The following ARID2 variants were observed in gnomAD, a reference collection of about 807,000 sequenced individuals.
ARID2 encodes AT-rich interactive domain-containing protein 2.
A neutral mutation model predicts 184.6 loss-of-function variants in ARID2; 32 were observed. The observed-to-expected ratio is 0.17, with a 90% CI of 0.13 to 0.23. The LOEUF is 0.23. Among genes scored for constraint, ARID2 ranks in the 10% least tolerant of loss-of-function variants. The probability of loss-of-function intolerance (pLI) is 1.00; values close to 1 mark genes in which losing one functional copy is unlikely to be tolerated. For synonymous variants in ARID2, 836 were observed against 772.6 expected (o/e 1.08, Z -1.36); for missense variants, 1,696 against 2,197.6 (o/e 0.77, Z 4.56).
chr12:45,834,985 A>G lies in ARID2; in HGVS notation c.706-1604A>G, dbSNP rs139895713. On this transcript the variant is annotated intron_variant, in intron 6 of 20. Coordinates refer to ENST00000334344, the MANE Select transcript of ARID2 (RefSeq NM_152641.4). ...TGCCCATTCTTTCTCTTCTTCAGGA[A>G]CTCCAATTATTTGTATGTTAGAACT... is the stretch of plus-strand genomic sequence containing the variant. Among the ~76,000 whole-genome samples the G allele has an allele frequency of 5.2e-3, 796 of 151,826 alleles. 6 individuals carry two copies. The highest frequency in any genetic ancestry group is 0.017 in the Middle Eastern group (5 of 294).
rs201898850 is a variant in ARID2, at chr12:45,849,007, G to A, written c.1715+37G>A. ...AGTTCTTTAAATAAAGTCCATTTAC[G>A]TCACTTACAACATCTCTTGCTCTTT... On this transcript the variant is annotated intron_variant, in intron 13 of 20. Transcript: ENST00000334344. The A allele has an allele frequency of 1.1e-5, 17 of 1,586,978 alleles. No individual in the cohort carries two copies. In the East Asian group the frequency reaches 1.1e-4, roughly 10 times the overall value.
chr12:45,793,667 A>G lies in ARID2; in HGVS notation c.285-17751A>G, dbSNP rs12301927. 4.8e-3 allele frequency among the ~76,000 whole-genome samples: 723 copies of G among 151,498 alleles called. 8 individuals are homozygous for G. The highest frequency in any genetic ancestry group is 0.017 in the African/African-American group (704 of 41,336). ...AATATATATACATATATATCTCAGC[A>G]AGATATTCTACATATTTATATATAC... On this transcript the variant is annotated intron_variant, in intron 3 of 20. Coordinates refer to ENST00000334344, the MANE Select transcript of ARID2 (RefSeq NM_152641.4).
At chr12:45,815,121 T>C (rs1238710857) in intron 4 of ARID2, among the ~76,000 whole-genome samples, 3 of 152,178 alleles carry the variant, frequency 2.0e-5, no homozygotes, top group Admixed American at 6.5e-5. Context: ...ACATAAACTT[T>C]AGGACTGCGA....
Position 45,839,309 on chromosome 12 carries a change from T to C in ARID2, c.1331-20T>C, listed in dbSNP as rs762122648. 5.7e-6 allele frequency: 9 copies of C among 1,588,028 alleles called. No homozygotes were observed. Among genetic ancestry groups the C allele is most frequent in the Middle Eastern group, 1.7e-4 (1 of 5,960 alleles). On this transcript the variant is annotated intron_variant, in intron 10 of 20. Transcript: ENST00000334344. ...TTATAATATTATTGACTAATAACTA[T>C]TGCTTTTTATTTATTTTAGACATGT...
chr12:45,824,866 C>CATATAT (rs202172861), intron 6 of ARID2, among the ~76,000 whole-genome samples: 1 of 145,902 alleles, frequency 6.9e-6, no homozygotes, highest in African/African-American at 2.5e-5. Flanking sequence ...TATATATATA[C>CATATAT]ATATATATAT....
intron 3 of ARID2, among the ~76,000 whole-genome samples, chr12:45,772,653 A>G (rs12319077): frequency 0.61 from 92,967 of 152,098 alleles, 30,221 homozygotes; most frequent in African/African-American, 0.85. Context: ...TGAAGCTAAA[A>G]AGGGACATTT....
rs780463578 is a variant in ARID2 at position 45,852,232 on chromosome 12, C to T, written c.4109C>T (p.Ser1370Phe). The T allele has an allele frequency of 2.0e-5, 33 of 1,613,944 alleles. No individual in the cohort carries two copies. The highest frequency in any genetic ancestry group is 4.2e-6 in the Non-Finnish European group (5 of 1,179,992). The change falls in exon 15 of 21, where the codon TCT becomes TTT. Residue 1370 changes from serine to phenylalanine, a missense_variant. Ser to Phe is a radical substitution (Grantham distance 155). Transcript: ENST00000334344. ...TGTGATTTTGATAAAGGAGATGGTT[C>T]TCATTTAAGCAAAAACATTCCAAAT... Reference protein sequence around the residue: ...GICDFDKGDGSHLSKNIPNHK... With the variant: ...GICDFDKGDGFHLSKNIPNHK...
intron 3 of ARID2, among the ~76,000 whole-genome samples, chr12:45,766,040 C>T (rs1291737273): frequency 2.6e-5 from 4 of 152,132 alleles, no homozygotes; most frequent in Admixed American, 6.5e-5. Context: ...TGTATTGATA[C>T]ACCATAATTT....
At chr12:45,853,048 T>A (rs1228233987) in intron 15 of ARID2, 152 bp downstream of exon 15, 2 of 1,242,480 alleles carry the variant, frequency 1.6e-6, no homozygotes, top group Non-Finnish European at 1.0e-6. Context: ...TTCTCTGGTT[T>A]TGTAATATTA....
intron 3 of ARID2, among the ~76,000 whole-genome samples, chr12:45,756,208 G>A (rs952983881): frequency 4.6e-5 from 7 of 152,140 alleles, no homozygotes; most frequent in African/African-American, 1.4e-4. Context: ...GCCCAGCCTA[G>A]AATACATTTT....
intron 3 of ARID2, among the ~76,000 whole-genome samples, chr12:45,767,707 G>A (rs920056296): frequency 3.9e-5 from 6 of 152,172 alleles, no homozygotes; most frequent in African/African-American, 1.4e-4. Flanking sequence ...GGAGAACGAT[G>A]GTGTGTGGTA....
intron 6 of ARID2, among the ~76,000 whole-genome samples, chr12:45,834,884 T>C (rs1301673340): frequency 6.6e-6 from 1 of 152,210 alleles, no homozygotes; most frequent in Middle Eastern, 3.2e-3. Context: ...TTTGTAGTGC[T>C]TCTGAAATAT....
At chr12:45,820,458 C>A (rs1373856695) in intron 5 of ARID2, among the ~76,000 whole-genome samples, 2 of 152,056 alleles carry the variant, frequency 1.3e-5, no homozygotes, top group Admixed American at 6.6e-5. Context: ...AGAAAACATA[C>A]CCACTTGTTA....
rs2138127880 is a variant in ARID2 at position 45,836,898 on chromosome 12, T to C, written c.930T>C (p.Arg310=). Residue 310 remains arginine (R), a synonymous_variant, in exon 8 of 21, where the codon CGT becomes CGC. Transcript: ENST00000334344. The part of the protein sequence containing the change: ...EGNVKLLAAN[R]TCLRFLLLSA... ...ATGTTAAGCTCTTGGCAGCTAATCG[T>C]ACCTGTCTTCGTTTCCTATTACTTT... is the stretch of plus-strand genomic sequence containing the variant. The C allele has an allele frequency of 1.2e-6, 2 of 1,614,176 alleles. No individual in the cohort carries two copies. Among genetic ancestry groups the C allele is most frequent in the South Asian group, 2.2e-5 (2 of 91,092 alleles).
chr12:45,882,142 G>C (rs1244196561), intron 16 of ARID2: 1 of 158,374 alleles, frequency 6.3e-6, no homozygotes, highest in Non-Finnish European at 1.4e-5. Flanking sequence ...TCTTATAGGA[G>C]AAACATCAAC....
At chr12:45,783,113 GAC>G (rs759879129) in intron 3 of ARID2, among the ~76,000 whole-genome samples, 15 of 151,340 alleles carry the variant, frequency 9.9e-5, no homozygotes, top group South Asian at 2.1e-4. Flanking sequence ...CACCCTGGAT[GAC>G]AGAGTAAGAC....
chr12:45,817,533 T>TTA lies in ARID2; in HGVS notation c.419-123_419-122dup, dbSNP rs796997818. On this transcript the variant is annotated intron_variant, in intron 4 of 20. Transcript: ENST00000334344. Reference sequence around the variant, plus strand: ...TTTGAACCTCTAATCAGTTTATATTTTATATATATATATATTTATATTATA... The same window carrying TTA: ...TTTGAACCTCTAATCAGTTTATATTTTATATATATATATATATTTATATTATA... 9.8e-3 allele frequency: 2,307 copies of TTA among 235,196 alleles called. 20 individuals carry two copies. The highest frequency in any genetic ancestry group is 0.011 in the Non-Finnish European group (1,433 of 130,688). 14.6% of individuals were successfully genotyped at this position (235,196 alleles called of 1,614,324 possible).
In ARID2 at chr12:45,850,211, A is replaced by G. The variant is rs2138159915; in HGVS notation, c.2088A>G (p.Gln696=). Residue 696 remains glutamine, a synonymous_variant, in exon 15 of 21, where the codon CAA becomes CAG. Transcript: ENST00000334344. ...QNPSPHTHQQ[Q]NAPVTVIQSK... ...CTTCACCTCATACCCACCAGCAACA[A>G]AATGCTCCAGTGACTGTCATTCAAA... The G allele has an allele frequency of 6.2e-7, 1 of 1,614,100 alleles. No individual in the cohort carries two copies. The highest frequency in any genetic ancestry group is 8.5e-7 in the Non-Finnish European group (1 of 1,179,992).
chr12:45,750,344 A>G (rs1941438329), intron 3 of ARID2, among the ~76,000 whole-genome samples: 1 of 152,228 alleles, frequency 6.6e-6, no homozygotes, highest in African/African-American at 2.4e-5. Flanking sequence ...AACAAATAGA[A>G]TATTAGCATC....
Sources: allele counts gnomAD v4.1 joint callset (sites outside exome capture counted in the v4.1 genomes callset), GRCh38; gene constraint gnomAD v4.1.1; transcripts MANE v1.5; gene names NCBI Gene and HGNC (gene_info 2026-07-23, HGNC 2026-07-21).